Variants in SLC36A1 observed in about 807,000 individuals in gnomAD.
SLC36A1 encodes proton-coupled amino acid transporter 1.
SLC36A1 carries 30 observed loss-of-function variants against 47.5 expected under a neutral mutation model. The ratio of observed to expected loss-of-function variants is 0.63; its 90% CI spans 0.47 to 0.86. The LOEUF (loss-of-function observed/expected upper bound fraction) is 0.86, where lower values mean the gene tolerates loss of function less well. Ranked by LOEUF, SLC36A1 falls within the 40% of genes least tolerant of loss-of-function variation. The pLI, the probability that SLC36A1 is intolerant of heterozygous loss-of-function variation, is 0.00. For synonymous variants in SLC36A1, 255 were observed against 249.7 expected (o/e 1.02, Z -0.20); for missense variants, 517 against 606.0 (o/e 0.85, Z 1.54).
chr5:151,407,355 C>T, the SLC36A1 span, among the ~76,000 whole-genome samples: 3 of 152,234 alleles, frequency 2.0e-5, no homozygotes, highest in East Asian at 5.8e-4. Context: ...CTGATTGGTG[C>T]GTTTTTACAG....
the SLC36A1 span, among the ~76,000 whole-genome samples, chr5:151,499,900 C>T: frequency 2.0e-5 from 3 of 152,186 alleles, no homozygotes; most frequent in African/African-American, 7.2e-5. Context: ...AGCAGGGCAG[C>T]AAGTCCCCAC....
chr5:151,499,336 G>A, the SLC36A1 span, among the ~76,000 whole-genome samples: 1 of 152,298 alleles, frequency 6.6e-6, no homozygotes, highest in Admixed American at 6.5e-5. Context: ...CGCACCACAG[G>A]TGATGGACCA....
the SLC36A1 span, among the ~76,000 whole-genome samples, chr5:151,518,312 C>A: frequency 6.6e-6 from 1 of 150,464 alleles, no homozygotes; most frequent in East Asian, 2.0e-4. Flanking sequence ...TCTTGCCACT[C>A]TATTCCAGCC....
chr5:151,374,631 T>C, the SLC36A1 span, among the ~76,000 whole-genome samples: 3 of 152,196 alleles, frequency 2.0e-5, no homozygotes, highest in Non-Finnish European at 4.4e-5. Context: ...TTTTAGTTTT[T>C]TTGAGAAATC....
the SLC36A1 span, chr5:151,542,458 G>T: frequency 6.2e-7 from 1 of 1,614,180 alleles, no homozygotes; most frequent in Non-Finnish European, 8.5e-7. Flanking sequence ...CTGAACCAGG[G>T]CCTGAGAGGA....
chr5:151,526,516 T>C, the SLC36A1 span, among the ~76,000 whole-genome samples: 1 of 152,248 alleles, frequency 6.6e-6, no homozygotes, highest in East Asian at 1.9e-4. Flanking sequence ...AACACAATGG[T>C]TGCTAACTAT....
At chr5:151,527,214 C>T in the SLC36A1 span, 3 of 1,587,420 alleles carry the variant, frequency 1.9e-6, no homozygotes, top group South Asian at 1.1e-5. Context: ...GCTCAGGGTG[C>T]CTTGGAGGCT....
intron 1 of SLC36A1, among the ~76,000 whole-genome samples, chr5:151,440,679 A>G (rs1426086394): frequency 3.3e-5 from 5 of 152,128 alleles, no homozygotes; most frequent in Non-Finnish European, 5.9e-5. Flanking sequence ...TTATATATAG[A>G]ACCTTTAAGC....
At chr5:151,532,088 T>A in the SLC36A1 span, 1 of 1,363,538 alleles carries the variant, frequency 7.3e-7, no homozygotes, top group East Asian at 2.3e-5. Context: ...GCGGACAAGC[T>A]GGCTTGGGTA....
the SLC36A1 span, among the ~76,000 whole-genome samples, chr5:151,546,517 T>C: frequency 9.6e-3 from 1,469 of 152,276 alleles, 21 homozygotes; most frequent in African/African-American, 0.034. Flanking sequence ...TAACATGGTG[T>C]GCATAGTAGG....
the SLC36A1 span, among the ~76,000 whole-genome samples, chr5:151,519,923 G>T: frequency 6.6e-6 from 1 of 152,168 alleles, no homozygotes; most frequent in South Asian, 2.1e-4. Context: ...CCAGGAGCAT[G>T]TCTCTTTAAA....
chr5:151,397,133 G>A, the SLC36A1 span, among the ~76,000 whole-genome samples: 2 of 152,194 alleles, frequency 1.3e-5, no homozygotes, highest in African/African-American at 4.8e-5. Context: ...AGTTTATAAA[G>A]CACTTTCATT....
At chr5:151,347,484 C>A in the SLC36A1 span, 3 of 1,612,746 alleles carry the variant, frequency 1.9e-6, no homozygotes, top group Non-Finnish European at 1.7e-6. Flanking sequence ...ACAAGGAGCT[C>A]GGGGTGACAA....
At chr5:151,421,174 C>T in the SLC36A1 span, among the ~76,000 whole-genome samples, 934 of 138,684 alleles carry the variant, frequency 6.7e-3, 27 homozygotes, top group East Asian at 0.024. Flanking sequence ...CGCCCTTTCT[C>T]TCCTTCCTTC....
chr5:151,475,665 G>T (rs1239442963), intron 8 of SLC36A1, among the ~76,000 whole-genome samples: 1 of 152,204 alleles, frequency 6.6e-6, no homozygotes, highest in Non-Finnish European at 1.5e-5. Flanking sequence ...TGGAGCAGGT[G>T]GTGGGGGACA....
At chr5:151,367,967 G>A in the SLC36A1 span, among the ~76,000 whole-genome samples, 2 of 152,194 alleles carry the variant, frequency 1.3e-5, no homozygotes, top group South Asian at 2.1e-4. Context: ...TTCTAAAAAG[G>A]ATGCAGGAGG....
chr5:151,479,605 A>C, intron 10 of SLC36A1, 116 bp downstream of exon 10: 1 of 1,239,306 alleles, frequency 8.1e-7, no homozygotes, highest in Admixed American at 2.3e-5. Context: ...TTTGTGACAG[A>C]GAACCTGGCC....
downstream of SLC36A1, among the ~76,000 whole-genome samples, chr5:151,495,832 T>C (rs1041239211): frequency 7.2e-5 from 11 of 152,354 alleles, no homozygotes; most frequent in Admixed American, 3.3e-4. Flanking sequence ...TTGATGTTCA[T>C]CTAAGTTGTT....
At chr5:151,428,505 GTTC>G in the SLC36A1 span, among the ~76,000 whole-genome samples, 46,288 of 151,868 alleles carry the variant, frequency 0.3, 8,583 homozygotes, top group African/African-American at 0.53. Context: ...CAGATGCATT[GTTC>G]TTCTTTGTTC....
Sources: gnomAD v4.1 joint callset for allele counts (sites outside exome capture counted in the v4.1 genomes callset) on GRCh38, gnomAD v4.1.1 for gene constraint, MANE v1.5 for transcripts, NCBI Gene and HGNC (gene_info 2026-07-23, HGNC 2026-07-21) for gene names.